The following CDK14 variants were observed in gnomAD, a reference collection of about 807,000 sequenced individuals.
The protein encoded by CDK14 is cyclin dependent kinase 14, also known as cyclin-dependent kinase 14.
A neutral mutation model predicts 60.7 loss-of-function variants in CDK14; 34 were observed. The ratio of observed to expected loss-of-function variants is 0.56; its 90% CI spans 0.43 to 0.75. The LOEUF is 0.75. CDK14 is among the 30% of genes least tolerant of loss of function. The pLI is 0.00. For synonymous variants in CDK14, 197 were observed against 203.7 expected, an observed-to-expected ratio of 0.97 and a Z score of 0.28; for missense variants, 482 against 564.1, an observed-to-expected ratio of 0.85 and a Z score of 1.47.
At chr7:90,970,630 A>G (rs74587409) in intron 9 of CDK14, among the ~76,000 whole-genome samples, 4 of 152,202 alleles carry the variant, frequency 2.6e-5, no homozygotes, top group African/African-American at 4.8e-5. Context: ...GCTTCCTTAC[A>G]TGTAAAAATC....
chr7:90,634,602 T>C (rs1436364085), intron 2 of CDK14, among the ~76,000 whole-genome samples: 1 of 152,138 alleles, frequency 6.6e-6, no homozygotes, highest in African/African-American at 2.4e-5. Context: ...TACGTGTGCA[T>C]GTGTCTTTAT....
chr7:90,819,736 A>G (rs1466283129), intron 5 of CDK14, among the ~76,000 whole-genome samples: 1 of 152,202 alleles, frequency 6.6e-6, no homozygotes, highest in Non-Finnish European at 1.5e-5. Flanking sequence ...AGGATTTGCA[A>G]TACTTAACAT....
intron 12 of CDK14, among the ~76,000 whole-genome samples, chr7:91,084,277 G>C (rs1798567046): frequency 6.6e-6 from 1 of 152,158 alleles, no homozygotes. Context: ...TCTCTTCTGG[G>C]ACCTGATGTC....
At chr7:91,110,300 T>G (rs1360982994) in intron 12 of CDK14, among the ~76,000 whole-genome samples, 1 of 152,128 alleles carries the variant, frequency 6.6e-6, no homozygotes, top group Non-Finnish European at 1.5e-5. Context: ...TGTAGTCAAT[T>G]TAGTGGGGAA....
intron 14 of CDK14, among the ~76,000 whole-genome samples, chr7:91,118,593 G>A (rs1384541641): frequency 6.6e-6 from 1 of 152,168 alleles, no homozygotes; most frequent in Non-Finnish European, 1.5e-5. Context: ...TTAAAATGGG[G>A]AGATTACACA....
chr7:90,786,153 C>T (rs1467027096), intron 4 of CDK14, among the ~76,000 whole-genome samples: 2 of 152,114 alleles, frequency 1.3e-5, no homozygotes, highest in Admixed American at 1.3e-4. Flanking sequence ...AGAGAATAAG[C>T]ATAAAGAATC....
At chr7:90,846,493 G>A (rs1790474240) in intron 5 of CDK14, among the ~76,000 whole-genome samples, 1 of 152,166 alleles carries the variant, frequency 6.6e-6, no homozygotes, top group Admixed American at 6.5e-5. Context: ...AATGGAGACA[G>A]ACTCATTTTG....
At position 91,147,270 on chromosome 7, in the gene CDK14, C is replaced by T. The variant is rs549014659; in HGVS notation, c.*28+29062C>T. ...AGGCAGATGTGTCCTGCAAGATTTG[C>T]CTTTTTTTTTCTTTTTTGAGTGTAC... On this transcript the variant is annotated intron_variant, in intron 14 of 14. Transcript: ENST00000380050. Among the ~76,000 whole-genome samples, 112 of 149,404 alleles carry T rather than the reference C, an allele frequency of 7.5e-4. No individual in the cohort carries two copies. In the Middle Eastern group the frequency reaches 0.014, roughly 19 times the overall value.
intron 10 of CDK14, among the ~76,000 whole-genome samples, chr7:90,996,095 A>T (rs1795674782): frequency 6.6e-6 from 1 of 152,208 alleles, no homozygotes; most frequent in Admixed American, 6.5e-5. Flanking sequence ...TAGGACCTCA[A>T]GGGACCCTCC....
rs796446224 is a variant in CDK14, at chr7:91,176,352, A to G, written c.*29-30813A>G. On this transcript the variant is annotated intron_variant, in intron 14 of 14. Coordinates refer to ENST00000380050, the MANE Select transcript of CDK14 (RefSeq NM_001287135.2). Reference sequence around the variant, plus strand: ...TATAGCACTAAATGCCCACAAGAGAAAGCAGGAAAGATCCAAAATTGACAC... The same window carrying G: ...TATAGCACTAAATGCCCACAAGAGAGAGCAGGAAAGATCCAAAATTGACAC... Among the ~76,000 whole-genome samples the G allele has an allele frequency of 3.3e-5, 5 of 152,342 alleles. No individual in the cohort carries two copies. In the South Asian group the frequency reaches 8.3e-4, roughly 25 times the overall value.
intron 10 of CDK14, among the ~76,000 whole-genome samples, chr7:91,003,946 A>C (rs802389): frequency 0.89 from 134,926 of 152,068 alleles, 60,331 homozygotes; most frequent in Non-Finnish European, 0.95. Flanking sequence ...TGCAGTATAC[A>C]TTGACTAAAA....
chr7:90,843,337 T>C (rs1398552879), intron 5 of CDK14, among the ~76,000 whole-genome samples: 3 of 152,242 alleles, frequency 2.0e-5, no homozygotes, highest in Non-Finnish European at 2.9e-5. Flanking sequence ...TAGTGATTTA[T>C]CTTGATTTTT....
At chr7:90,787,528 T>C (rs970465444) in intron 4 of CDK14, among the ~76,000 whole-genome samples, 4 of 152,180 alleles carry the variant, frequency 2.6e-5, no homozygotes, top group African/African-American at 9.6e-5. Context: ...TCTGGACTTA[T>C]TTTGCAGGTA....
At chr7:90,854,997 A>G (rs1469974730) in intron 5 of CDK14, among the ~76,000 whole-genome samples, 14 of 152,214 alleles carry the variant, frequency 9.2e-5, no homozygotes, top group East Asian at 3.9e-4. Flanking sequence ...TAGTACCTGC[A>G]TTTGTTTGGA....
At chr7:90,958,009 A>G (rs557170939) in intron 9 of CDK14, among the ~76,000 whole-genome samples, 1 of 152,300 alleles carries the variant, frequency 6.6e-6, no homozygotes, top group African/African-American at 2.4e-5. Flanking sequence ...CTGTGTATTC[A>G]TATAATTTTA....
chr7:90,971,461 G>A (rs183293201), intron 9 of CDK14, among the ~76,000 whole-genome samples: 41 of 152,188 alleles, frequency 2.7e-4, no homozygotes, highest in Non-Finnish European at 3.4e-4. Flanking sequence ...TTTGAAGGAC[G>A]TGTACATCAT....
chr7:91,167,711 C>T (rs1206793586), intron 14 of CDK14, among the ~76,000 whole-genome samples: 1 of 152,084 alleles, frequency 6.6e-6, no homozygotes, highest in Non-Finnish European at 1.5e-5. Context: ...AAAGAGAGGC[C>T]GTACAGCCGA....
chr7:90,787,318 A>G (rs1316145452), intron 4 of CDK14, among the ~76,000 whole-genome samples: 1 of 135,228 alleles, frequency 7.4e-6, no homozygotes, highest in Non-Finnish European at 1.6e-5. Context: ...TTAACAAAGC[A>G]TTCTACAAAT....
intron 4 of CDK14, among the ~76,000 whole-genome samples, chr7:90,770,404 G>A (rs1402288244): frequency 2.0e-5 from 3 of 152,170 alleles, no homozygotes; most frequent in African/African-American, 7.2e-5. Flanking sequence ...TAAAAACTCA[G>A]TTAATTGACC....
Sources: allele counts gnomAD v4.1 joint callset (sites outside exome capture counted in the v4.1 genomes callset), GRCh38; gene constraint gnomAD v4.1.1; transcripts MANE v1.5; gene names NCBI Gene and HGNC (gene_info 2026-07-23, HGNC 2026-07-21).